The following CNTNAP1 variants were observed in gnomAD, a reference collection of about 807,000 sequenced individuals.
CNTNAP1 encodes contactin-associated protein 1.
In CNTNAP1, 80 loss-of-function variants were observed where a neutral mutation model predicts 161.5. The observed-to-expected ratio is 0.50, with a 90% CI of 0.41 to 0.60. The LOEUF is 0.60. Ranked by LOEUF, CNTNAP1 falls within the 20% of genes least tolerant of loss-of-function variation. The pLI, the probability that CNTNAP1 is intolerant of heterozygous loss-of-function variation, is 0.00. For synonymous variants in CNTNAP1, 695 were observed against 733.1 expected, an observed-to-expected ratio of 0.95 and a Z score of 0.84; for missense variants, 1,464 against 1,854.8, an observed-to-expected ratio of 0.79 and a Z score of 3.87.
At chr17:42,692,865 G>A (rs928986662) in intron 17 of CNTNAP1, 145 bp downstream of exon 17, 2 of 679,694 alleles carry the variant, frequency 2.9e-6, no homozygotes, top group Admixed American at 2.9e-5. Flanking sequence ...GTCCCTCCAG[G>A]CCTTTGTATC....
At chr17:42,692,871 G>T in intron 17 of CNTNAP1, 151 bp downstream of exon 17, 1 of 659,798 alleles carries the variant, frequency 1.5e-6, no homozygotes, top group Non-Finnish European at 2.5e-6. Context: ...CCAGGCCTTT[G>T]TATCCTATTC....
chr17:42,682,901 G>A lies in CNTNAP1; in HGVS notation c.67+5G>A. 2 of 1,598,864 alleles carry A rather than the reference G, an allele frequency of 1.3e-6. No homozygotes were observed. The highest frequency in any genetic ancestry group is 1.7e-6 in the Non-Finnish European group (2 of 1,173,848). ...GAGCCGAGGGCTGGGGCTACTGTGA[G>A]TGTTGGGCTTGGAGGCAGGTGGGGT... is the stretch of plus-strand genomic sequence containing the variant. On this transcript the variant is annotated splice_donor_5th_base_variant and intron_variant, in intron 1 of 23. Coordinates refer to ENST00000264638, the MANE Select transcript of CNTNAP1 (RefSeq NM_003632.3).
In CNTNAP1 at chr17:42,693,555, G is replaced by A. The variant is rs2053119038; in HGVS notation, c.2992+19G>A. 6.2e-7 allele frequency: 1 copy of A among 1,608,414 alleles called. No homozygotes were observed. The highest frequency in any genetic ancestry group is 8.5e-7 in the Non-Finnish European group (1 of 1,175,128). ...AACCACGGTAAGTGCTGCTGGTTAT[G>A]GGGCAACAGGGAGCCATAGGGTGTA... On this transcript the variant is annotated intron_variant, in intron 18 of 23. Transcript: ENST00000264638.
Position 42,691,051 on chromosome 17 carries a change from G to A in CNTNAP1, c.2060-86G>A. 6.3e-7 allele frequency: 1 copy of A among 1,595,550 alleles called. No homozygotes were observed. The highest frequency in any genetic ancestry group is 1.1e-5 in the South Asian group (1 of 88,116). On this transcript the variant is annotated intron_variant, in intron 13 of 23. Coordinates refer to ENST00000264638, the MANE Select transcript of CNTNAP1 (RefSeq NM_003632.3). This position sits in a 1 kb window ranked among gnomAD's most constrained non-coding sequence, Gnocchi z 4.3. ...GGCCTTGGGTTGGAAGATTCAAGGA[G>A]GGGTCTGAACTCGCTGGAAGGGCGA...
At position 42,691,895 on chromosome 17, in the gene CNTNAP1, T is replaced by A; in HGVS notation, c.2434T>A (p.Tyr812Asn). ...RANHSLDVSF[Y>N]FRTSAPSGVF... The stretch of plus-strand genomic sequence containing the variant: ...CAACCACAGCCTGGATGTCTCCTTC[T>A]ACTTCAGGACCTCTGCTCCCTCGGG... Residue 812 changes from tyrosine to asparagine, a missense_variant, in exon 16 of 24, where the codon TAC (tyrosine) becomes AAC (asparagine). Around this residue, in one of 3 missense-constraint regions of CNTNAP1, gnomAD observed 1,383 missense variants for 1,765.0 expected, o/e 0.78. Transcript: ENST00000264638. The surrounding 1 kb of genome is among the most constrained non-coding windows in gnomAD (Gnocchi z 4.3). 3 of 1,614,172 alleles carry A rather than the reference T, an allele frequency of 1.9e-6. No homozygotes were observed. Among genetic ancestry groups the A allele is most frequent in the Non-Finnish European group, 2.5e-6 (3 of 1,180,020 alleles).
chr17:42,692,837 C>A (rs1597809265), intron 17 of CNTNAP1, 117 bp downstream of exon 17: 1 of 852,906 alleles, frequency 1.2e-6, no homozygotes, highest in Non-Finnish European at 1.8e-6. Flanking sequence ...TGCTTCAGAG[C>A]AAGCCAGTGT....
chr17:42,687,879 C>A lies in CNTNAP1; in HGVS notation c.1204C>A (p.Arg402Ser). The stretch of plus-strand genomic sequence containing the variant: ...CCTCACCGGGCTTCTCCTTTTCTCC[C>A]GTCTGGGGGACGGGCTGGGCCACGT... ...WDLTGLLLFSRLGDGLGHVEL... is the reference protein window; with the variant it reads ...WDLTGLLLFSSLGDGLGHVEL... The change falls in exon 8 of 24, where the codon CGT becomes AGT. Residue 402 changes from arginine to serine, a missense_variant. This residue lies in a region of CNTNAP1 where 1,383 missense variants were observed against 1,765.0 expected (regional missense o/e 0.78). Coordinates refer to ENST00000264638, the MANE Select transcript of CNTNAP1 (RefSeq NM_003632.3). The surrounding 1 kb of genome is among the most constrained non-coding windows in gnomAD (Gnocchi z 4.7). 6.2e-7 allele frequency: 1 copy of A among 1,614,226 alleles called. No individual in the cohort carries two copies. Among genetic ancestry groups the A allele is most frequent in the Non-Finnish European group, 8.5e-7 (1 of 1,180,042 alleles).
intron 8 of CNTNAP1, 135 bp from the exon 9 acceptor site, chr17:42,688,327 G>T: frequency 8.6e-7 from 1 of 1,165,194 alleles, no homozygotes. Context: ...GTCTCCACTG[G>T]GTGTGAGAAG....
intron 6 of CNTNAP1, among the ~76,000 whole-genome samples, chr17:42,686,424 T>G (rs973251081): frequency 6.7e-5 from 10 of 149,070 alleles, no homozygotes; most frequent in Admixed American, 6.0e-4. Flanking sequence ...TTCCTGAATA[T>G]CCTAGCAGCC....
At chr17:42,684,425 A>G (rs944018389) in intron 3 of CNTNAP1, among the ~76,000 whole-genome samples, 196 bp downstream of exon 3, 55 of 152,294 alleles carry the variant, frequency 3.6e-4, no homozygotes, top group African/African-American at 1.3e-3. Context: ...ACAGGGTTTA[A>G]CACACTTTAG....
chr17:42,693,307 G>A lies in CNTNAP1; in HGVS notation c.2763G>A (p.Glu921=). 6.2e-7 allele frequency: 1 copy of A among 1,614,152 alleles called. No homozygotes were observed. The highest frequency in any genetic ancestry group is 8.5e-7 in the Non-Finnish European group (1 of 1,180,016). The change falls in exon 18 of 24, where the codon GAG becomes GAA. Residue 921 remains glutamate, a synonymous_variant. Coordinates refer to ENST00000264638, the MANE Select transcript of CNTNAP1 (RefSeq NM_003632.3). The part of the protein sequence containing the change: ...YDQPLYVGSA[E]LKRRPFVGCL... ...GCCTACCCTTCCCAGGATCTGCAGAGCTTAAGAGACGCCCCTTTGTGGGTT... is the reference window on the plus strand; with the variant it reads ...GCCTACCCTTCCCAGGATCTGCAGAACTTAAGAGACGCCCCTTTGTGGGTT...
In CNTNAP1 at chr17:42,693,551, T is replaced by C; in HGVS notation, c.2992+15T>C. On this transcript the variant is annotated intron_variant, in intron 18 of 23. Transcript: ENST00000264638. ...CTGCAACCACGGTAAGTGCTGCTGG[T>C]TATGGGGCAACAGGGAGCCATAGGG... 5.6e-6 allele frequency: 9 copies of C among 1,609,634 alleles called. No individual in the cohort carries two copies. Among genetic ancestry groups the C allele is most frequent in the Non-Finnish European group, 7.7e-6 (9 of 1,176,164 alleles).
chr17:42,697,569 A>G lies in CNTNAP1; in HGVS notation c.3584A>G (p.Asp1195Gly), dbSNP rs776132687. 7 of 1,613,720 alleles carry G rather than the reference A, an allele frequency of 4.3e-6. No homozygotes were observed. Among genetic ancestry groups the G allele is most frequent in the African/African-American group, 1.3e-5 (1 of 74,768 alleles). The change falls in exon 22 of 24, where the codon GAC becomes GGC. Residue 1195 changes from aspartate to glycine, a missense_variant. Transcript: ENST00000264638. The part of the protein sequence containing the change: ...LGRVMETGVI[D>G]PEIQRYNTPG... ...TCTCTCTCAGAGACAGGAGTCATTG[A>G]CCCGGAGATCCAGCGCTACAACACC...
Position 42,687,629 on chromosome 17 carries a change from G to A in CNTNAP1, c.1045-91G>A. The A allele has an allele frequency of 6.6e-7, 1 of 1,505,000 alleles. No individual in the cohort carries two copies. Among genetic ancestry groups the A allele is most frequent in the South Asian group, 1.3e-5 (1 of 78,028 alleles). The allele number at this position is 1,505,000 out of a possible 1,614,324, so 93.2% of individuals were successfully genotyped here. A position where few individuals can be genotyped will look rare whatever the true frequency, so the allele number is the denominator to read the frequency against. On this transcript the variant is annotated intron_variant, in intron 7 of 23. Transcript: ENST00000264638. The surrounding 1 kb of genome is among the most constrained non-coding windows in gnomAD (Gnocchi z 4.7). ...CCCGCCAACACCGAAGGAGGGCGGTGACCAGGGTCTTAGACCGGTGTGAAA... is the reference window on the plus strand; with the variant it reads ...CCCGCCAACACCGAAGGAGGGCGGTAACCAGGGTCTTAGACCGGTGTGAAA...
rs777298772 is a variant in CNTNAP1, at chr17:42,698,720, C to T, written c.3965C>T (p.Ala1322Val). 1.2e-6 allele frequency: 2 copies of T among 1,613,682 alleles called. No homozygotes were observed. The highest frequency in any genetic ancestry group is 8.5e-7 in the Non-Finnish European group (1 of 1,179,906). The change falls in exon 24 of 24, where the codon GCT (alanine) becomes GTT (valine). Residue 1322 changes from alanine to valine, a missense_variant. Ala to Val is a moderately conservative substitution (Grantham distance 64). Around this residue, in one of 3 missense-constraint regions of CNTNAP1, gnomAD observed 1,383 missense variants for 1,765.0 expected, o/e 0.78. Transcript: ENST00000264638. ...KGSYHTNEPK[A>V]AHEYHPGSKP... is the part of the protein sequence containing the mutation. ...TCCTACCATACCAATGAGCCCAAGG[C>T]TGCCCACGAGTACCATCCTGGCAGC...
At chr17:42,697,481 G>A in intron 21 of CNTNAP1, 73 bp from the exon 22 acceptor site, 1 of 1,608,778 alleles carries the variant, frequency 6.2e-7, no homozygotes. Context: ...GGATGAGTGG[G>A]AAACCTGTGG....
chr17:42,686,899 G>T lies in CNTNAP1; in HGVS notation c.901-4G>T, dbSNP rs759576402. 5 of 1,596,942 alleles carry T rather than the reference G, an allele frequency of 3.1e-6. No individual in the cohort carries two copies. The highest frequency in any genetic ancestry group is 3.4e-5 in the Admixed American group (2 of 59,508). ...AGAGGCCTCATTCCCCACGCCTCCC[G>T]CAGATGTTCATCGGAGGTCTGGTGG... On this transcript the variant is annotated splice_region_variant and splice_polypyrimidine_tract_variant and intron_variant, in intron 6 of 23. Coordinates refer to ENST00000264638, the MANE Select transcript of CNTNAP1 (RefSeq NM_003632.3).
rs1314851107 is a variant in CNTNAP1 at position 42,682,725 on chromosome 17, C to A, written c.-105C>A. ...GGAAGGGTGGGTAAGGAGGAGAGAG[C>A]GGTCTGCTGCAAACCCCAGGAGGAG... On this transcript the variant is annotated 5_prime_UTR_variant, in exon 1 of 24. Coordinates refer to ENST00000264638, the MANE Select transcript of CNTNAP1 (RefSeq NM_003632.3). 2 of 1,122,798 alleles carry A rather than the reference C, an allele frequency of 1.8e-6. No homozygotes were observed. Among genetic ancestry groups the A allele is most frequent in the Non-Finnish European group, 1.3e-6 (1 of 771,240 alleles). The allele number at this position is 1,122,798 out of a possible 1,614,324, so 69.6% of individuals were successfully genotyped here. A position where few individuals can be genotyped will look rare whatever the true frequency, so the allele number is the denominator to read the frequency against.
intron 3 of CNTNAP1, 121 bp from the exon 4 acceptor site, chr17:42,684,870 A>G: frequency 2.6e-6 from 3 of 1,150,040 alleles, no homozygotes; most frequent in Non-Finnish European, 3.6e-6. Context: ...GGTTGCGGTG[A>G]GCCGAGATCG....
Sources: allele counts gnomAD v4.1 joint callset (sites outside exome capture counted in the v4.1 genomes callset), GRCh38; gene constraint gnomAD v4.1.1; regional missense constraint gnomAD v4.1.1; non-coding constraint Gnocchi (gnomAD v3.1); transcripts MANE v1.5; gene names NCBI Gene and HGNC (gene_info 2026-07-23, HGNC 2026-07-21).